Variants in DENND5B observed in about 807,000 individuals in gnomAD.
DENND5B encodes DENN domain-containing protein 5B.
DENND5B carries 34 observed loss-of-function variants against 140.6 expected under a neutral mutation model. That is an observed-to-expected ratio of 0.24 (90% confidence interval 0.18 to 0.32). The LOEUF (loss-of-function observed/expected upper bound fraction) is 0.32. DENND5B is among the 10% of genes least tolerant of loss of function. The pLI is 1.00. For synonymous variants in DENND5B, 551 were observed against 562.1 expected (o/e 0.98, Z 0.28); for missense variants, 1,142 against 1,560.2 (o/e 0.73, Z 4.52).
At position 31,590,963 on chromosome 12, in the gene DENND5B, AG is replaced by A; in HGVS notation, c.-132del. 5 of 1,014,364 alleles carry A rather than the reference AG, an allele frequency of 4.9e-6. No individual in the cohort carries two copies. Among genetic ancestry groups the A allele is most frequent in the Non-Finnish European group, 6.0e-6 (5 of 830,648 alleles). 62.8% of individuals were successfully genotyped at this position (1,014,364 alleles called of 1,614,324 possible). A position where few individuals can be genotyped will look rare whatever the true frequency, so the allele number is the denominator to read the frequency against. On this transcript the variant is annotated 5_prime_UTR_variant, in exon 1 of 21. Coordinates refer to ENST00000389082, the MANE Select transcript of DENND5B (RefSeq NM_144973.4). ...GACACTGGCGCGCCCATGGCCGCGC[AG>A]CCGCCTCTCGCCGCCGCAGCCTGCC...
At chr12:31,494,157 TATCTATCTATCTATCTATCTATCTATCC>T (rs1369291468) in intron 2 of DENND5B, among the ~76,000 whole-genome samples, 36 of 69,976 alleles carry the variant, frequency 5.1e-4, no homozygotes, top group African/African-American at 2.0e-3. Context: ...TCTATCTATC[TATCTATCTATCTATCTATCTATCTATCC>T]ATCCATCCAT....
At chr12:31,391,864 G>A (rs1169797806) in intron 19 of DENND5B, among the ~76,000 whole-genome samples, 1 of 151,924 alleles carries the variant, frequency 6.6e-6, no homozygotes, top group Non-Finnish European at 1.5e-5. Flanking sequence ...ATCCTTGCCG[G>A]GCACGATGGC....
chr12:31,506,639 T>C (rs984761281), intron 1 of DENND5B, among the ~76,000 whole-genome samples: 4 of 152,206 alleles, frequency 2.6e-5, no homozygotes, highest in African/African-American at 9.7e-5. Context: ...AGACTGGCTA[T>C]AAATTTGAGA....
Position 31,402,618 on chromosome 12 carries a change from G to A in DENND5B, c.2829C>T (p.Ile943=). The A allele has an allele frequency of 6.2e-7, 1 of 1,613,528 alleles. No individual in the cohort carries two copies. Among genetic ancestry groups the A allele is most frequent in the Non-Finnish European group, 8.5e-7 (1 of 1,179,698 alleles). ...TTGCATTGCTCAGCTTTTTGATTGG[G>A]ATGATCACTGACCTATACGGAATCA... ...TIMIPYRSVI[I]PIKKLSNAII... is the part of the protein sequence containing the mutation. The change falls in exon 15 of 21, where the codon ATC becomes ATT. Residue 943 remains isoleucine (I), a synonymous_variant. Transcript: ENST00000389082.
At chr12:31,494,954 C>T (rs538001268) in intron 2 of DENND5B, among the ~76,000 whole-genome samples, 26 of 152,230 alleles carry the variant, frequency 1.7e-4, no homozygotes, top group Middle Eastern at 3.4e-3. Flanking sequence ...TCTTTCCTTG[C>T]TTTGTTTGTA....
At chr12:31,435,844 A>G (rs111402219) in intron 7 of DENND5B, among the ~76,000 whole-genome samples, 3 of 152,016 alleles carry the variant, frequency 2.0e-5, no homozygotes, top group Non-Finnish European at 4.4e-5. Flanking sequence ...TATTTTTAGT[A>G]GAGATGGGGT....
At chr12:31,514,004 ATCT>A (rs1947522926) in intron 1 of DENND5B, among the ~76,000 whole-genome samples, 1 of 151,976 alleles carries the variant, frequency 6.6e-6, no homozygotes, top group South Asian at 2.1e-4. Flanking sequence ...CACCTGGCTA[ATCT>A]TCTTTAAAAT....
rs142611623 is a variant in DENND5B at position 31,542,946 on chromosome 12, G to C, written c.128-47027C>G. Among the ~76,000 whole-genome samples, 609 of 152,268 alleles carry C rather than the reference G, an allele frequency of 4.0e-3. 5 individuals are homozygous for C. The highest frequency in any genetic ancestry group is 0.014 in the African/African-American group (574 of 41,552). Reference sequence around the variant, plus strand: ...TACTCCAGCCTGGGCGACAGAGCCAGACCCTGTCTCAAATAAGTAAATGGT... The same window carrying C: ...TACTCCAGCCTGGGCGACAGAGCCACACCCTGTCTCAAATAAGTAAATGGT... On this transcript the variant is annotated intron_variant, in intron 1 of 20. Transcript: ENST00000389082.
intron 1 of DENND5B, among the ~76,000 whole-genome samples, chr12:31,540,132 A>C (rs1948636689): frequency 6.6e-6 from 1 of 152,170 alleles, no homozygotes; most frequent in Non-Finnish European, 1.5e-5. Context: ...CAATAACTAC[A>C]AATAAAATTA....
chr12:31,387,731 G>A lies in DENND5B; in HGVS notation c.3697C>T (p.Arg1233Ter), dbSNP rs937167914. ...AGGAGAGCGCTCTCTTCATACATTC[G>A]AGTGATGGCAGGACACTCAGCTAAC... ...PLLAECPAIT[R>*]MYEESALLRD... Residue 1233 changes from arginine (R) to a stop codon, truncating the protein, a stop_gained, in exon 21 of 21, where the codon CGA (arginine) becomes TGA (stop). Transcript: ENST00000389082. LOFTEE classifies it high-confidence loss of function. The A allele has an allele frequency of 6.2e-7, 1 of 1,613,968 alleles. No homozygotes were observed.
rs1940766363 is a variant in DENND5B at position 31,384,574 on chromosome 12, GT to G, written c.*3028del. On this transcript the variant is annotated 3_prime_UTR_variant, in exon 21 of 21. Coordinates refer to ENST00000389082, the MANE Select transcript of DENND5B (RefSeq NM_144973.4). ...CGGAATAAGTACATGGGCTCACAAG[GT>G]GACTGAAGGACCCATCATCCAAGAG... The G allele has an allele frequency of 6.6e-6, 1 of 152,122 alleles. No individual in the cohort carries two copies. The highest frequency in any genetic ancestry group is 1.5e-5 in the Non-Finnish European group (1 of 68,026). The allele number at this position is 152,122 out of a possible 1,614,324, so 9.4% of individuals were successfully genotyped here.
chr12:31,432,747 G>GA, intron 8 of DENND5B: 2 of 154,758 alleles, frequency 1.3e-5, no homozygotes, highest in Non-Finnish European at 2.9e-5. Flanking sequence ...AGAGATTCAA[G>GA]AAAAAAAACT....
chr12:31,531,362 GC>G (rs1318678979), intron 1 of DENND5B, among the ~76,000 whole-genome samples: 2 of 152,104 alleles, frequency 1.3e-5, no homozygotes, highest in African/African-American at 4.8e-5. Context: ...ACTACGTCCC[GC>G]TAAGTTTCGT....
At position 31,574,295 on chromosome 12, in the gene DENND5B, A is replaced by ATTATTATTATT. The variant is rs1949931376; in HGVS notation, c.127+16410_127+16411insAATAATAATAA. On this transcript the variant is annotated intron_variant, in intron 1 of 20. Transcript: ENST00000389082. ...TAATAATAATAATAATAATAATAAT[A>ATTATTATTATT]ATTTAAAAGGGAGGTGGCCAGGCGC... 3.7e-3 allele frequency among the ~76,000 whole-genome samples: 539 copies of ATTATTATTATT among 144,590 alleles called. 7 individuals carry two copies. The highest frequency in any genetic ancestry group is 0.013 in the African/African-American group (511 of 39,614). The allele number at this position is 144,590 out of a possible 152,430, so 94.9% of individuals were successfully genotyped here. A position where few individuals can be genotyped will look rare whatever the true frequency, so the allele number is the denominator to read the frequency against.
At chr12:31,562,887 A>T (rs1949522155) in intron 1 of DENND5B, among the ~76,000 whole-genome samples, 1 of 151,946 alleles carries the variant, frequency 6.6e-6, no homozygotes, top group Non-Finnish European at 1.5e-5. Flanking sequence ...ACAAAATGAA[A>T]CTATTTAAGT....
At chr12:31,534,313 C>T (rs912215301) in intron 1 of DENND5B, among the ~76,000 whole-genome samples, 5 of 152,016 alleles carry the variant, frequency 3.3e-5, no homozygotes, top group Non-Finnish European at 4.4e-5. Context: ...ACATGTGCCA[C>T]GATACTCAGC....
chr12:31,532,177 T>G (rs765107832), intron 1 of DENND5B, among the ~76,000 whole-genome samples: 1 of 152,158 alleles, frequency 6.6e-6, no homozygotes, highest in Non-Finnish European at 1.5e-5. Flanking sequence ...AGGGGTGGCA[T>G]GGAGTACTCT....
chr12:31,502,951 T>C (rs908247580), intron 1 of DENND5B, among the ~76,000 whole-genome samples: 5 of 152,260 alleles, frequency 3.3e-5, no homozygotes, highest in African/African-American at 1.2e-4. Flanking sequence ...GGCTGTGAAC[T>C]GACATCCATG....
chr12:31,560,038 T>C (rs1283824059), intron 1 of DENND5B, among the ~76,000 whole-genome samples: 1 of 152,182 alleles, frequency 6.6e-6, no homozygotes. Flanking sequence ...CCTCTTCCTC[T>C]TCTCTATCCA....
Sources: gnomAD v4.1 joint callset for allele counts (sites outside exome capture counted in the v4.1 genomes callset) on GRCh38, gnomAD v4.1.1 for gene constraint, MANE v1.5 for transcripts, NCBI Gene and HGNC (gene_info 2026-07-23, HGNC 2026-07-21) for gene names.